KDM4B: variants seen among roughly 807,000 people sequenced by gnomAD.
The protein encoded by KDM4B is lysine demethylase 4B.
KDM4B carries 32 observed loss-of-function variants against 125.2 expected under a neutral mutation model. The ratio of observed to expected loss-of-function variants is 0.26; its 90% CI spans 0.19 to 0.34. KDM4B has a LOEUF of 0.34. KDM4B is among the 10% of genes least tolerant of loss of function. KDM4B has a pLI of 1.00. For missense variants in KDM4B, 1,190 were observed against 1,577.7 expected, an observed-to-expected ratio of 0.75 and a Z score of 4.16; for synonymous variants, 721 against 677.9, an observed-to-expected ratio of 1.06 and a Z score of -0.99.
At chr19:5,113,972 C>G (rs536322679) in intron 10 of KDM4B, 2 of 1,238,440 alleles carry the variant, frequency 1.6e-6, no homozygotes, top group East Asian at 5.7e-5. Flanking sequence ...TTACATGGGT[C>G]TCTTCCAGAA....
chr19:4,995,156 G>A (rs539316109), intron 1 of KDM4B, among the ~76,000 whole-genome samples: 13 of 152,166 alleles, frequency 8.5e-5, no homozygotes, highest in African/African-American at 2.6e-4. Flanking sequence ...CCACTGTCTC[G>A]GGAGCAGGGC....
rs1436263501 is a variant in KDM4B, at chr19:5,111,989, C to A, written c.1115+1171C>A. ...TGAACATTGGCCAGGCACGATCGCT[C>A]ACACCTGTAATCTCTGCACTTTGGA... On this transcript the variant is annotated intron_variant, in intron 10 of 22. Coordinates refer to ENST00000159111, the MANE Select transcript of KDM4B (RefSeq NM_015015.3). The A allele has an allele frequency of 1.5e-5, 9 of 610,348 alleles. No homozygotes were observed. In the Admixed American group the frequency reaches 1.5e-4, roughly 10 times the overall value. 37.8% of individuals were successfully genotyped at this position (610,348 alleles called of 1,614,324 possible). A position where few individuals can be genotyped will look rare whatever the true frequency, so the allele number is the denominator to read the frequency against.
At chr19:5,019,616 G>T (rs1646921929) in intron 2 of KDM4B, among the ~76,000 whole-genome samples, 3 of 150,592 alleles carry the variant, frequency 2.0e-5, no homozygotes. Context: ...GGGTGTTCGT[G>T]TGGGGGTGTT....
chr19:5,087,855 C>G (rs1402006223), intron 9 of KDM4B, among the ~76,000 whole-genome samples: 7 of 152,200 alleles, frequency 4.6e-5, no homozygotes, highest in Non-Finnish European at 1.5e-5. Context: ...TGGACCCTGG[C>G]TTTGGGGCTG....
chr19:5,144,110 G>A lies in KDM4B; in HGVS notation c.2694G>A (p.Val898=), dbSNP rs2039794128. ...VLMEPDDWPY[V]VSITCLKHKS... ...TGGAGCCGGACGACTGGCCCTATGT[G>A]GTCTCCATCACCTGCCTCAAGCACA... is the stretch of plus-strand genomic sequence containing the variant. The change falls in exon 19 of 23, where the codon GTG becomes GTA. Residue 898 remains valine, a synonymous_variant. Transcript: ENST00000159111. 4 of 1,602,256 alleles carry A rather than the reference G, an allele frequency of 2.5e-6. No individual in the cohort carries two copies. The highest frequency in any genetic ancestry group is 1.7e-5 in the Admixed American group (1 of 59,794).
At chr19:5,150,255 T>A in intron 21 of KDM4B, 103 bp from the exon 22 acceptor site, 4 of 859,922 alleles carry the variant, frequency 4.7e-6, no homozygotes, top group African/African-American at 1.7e-5. Context: ...GCGGGCCCCA[T>A]GCACCCAAGG....
At chr19:4,969,426 G>C (rs1338917127) in intron 1 of KDM4B, among the ~76,000 whole-genome samples, 196 bp downstream of exon 1, 2 of 147,668 alleles carry the variant, frequency 1.4e-5, no homozygotes, top group Non-Finnish European at 3.0e-5. Context: ...CGGCCCGGGG[G>C]CGCCCGCTGG....
intron 1 of KDM4B, among the ~76,000 whole-genome samples, chr19:4,999,752 TCTATC>T (rs2035311734): frequency 1.6e-5 from 2 of 126,726 alleles, no homozygotes; most frequent in East Asian, 5.5e-4. Flanking sequence ...CATCTATCCA[TCTATC>T]CATCCATCCA....
chr19:5,088,280 G>A (rs934230522), intron 9 of KDM4B, among the ~76,000 whole-genome samples: 4 of 152,306 alleles, frequency 2.6e-5, no homozygotes, highest in South Asian at 4.1e-4. Context: ...AGCCAGATGC[G>A]CTCACATCCA....
Position 5,115,154 on chromosome 19 carries a change from A to AC in KDM4B, c.1115+4338dup, listed in dbSNP as rs2039230514. 6.6e-6 allele frequency among the ~76,000 whole-genome samples: 1 copy of AC among 152,210 alleles called. No individual in the cohort carries two copies. Among genetic ancestry groups the AC allele is most frequent in the African/African-American group, 2.4e-5 (1 of 41,446 alleles). ...AGCCAGCAGGGAGCAGCTGGGCTGC[A>AC]CCATGGGGCCACAGAAAGACACAGT... On this transcript the variant is annotated intron_variant, in intron 10 of 22. Transcript: ENST00000159111. This position sits in a 1 kb window ranked among gnomAD's most constrained non-coding sequence, Gnocchi z 4.2.
chr19:5,019,340 G>A (rs2036000751), intron 2 of KDM4B, among the ~76,000 whole-genome samples: 1 of 147,928 alleles, frequency 6.8e-6, no homozygotes, highest in Non-Finnish European at 1.5e-5. Flanking sequence ...GCAGGTGTTG[G>A]TGTGGGTGTT....
Position 5,151,453 on chromosome 19 carries a change from A to G in KDM4B, c.3233A>G (p.Tyr1078Cys). Residue 1078 changes from tyrosine to cysteine, a missense_variant, in exon 23 of 23, where the codon TAC becomes TGC. Tyr to Cys is a radical substitution (Grantham distance 194). Around this residue, in one of 7 missense-constraint regions of KDM4B, gnomAD observed 109 missense variants for 93.8 expected, o/e 1.16. Coordinates refer to ENST00000159111, the MANE Select transcript of KDM4B (RefSeq NM_015015.3). The part of the protein sequence containing the change: ...ATEDSGRSQD[Y>C]VAFVESLLQV... The stretch of plus-strand genomic sequence containing the variant: ...GAGGACTCCGGGCGGAGCCAGGACT[A>G]CGTGGCCTTCGTGGAGAGCCTCCTG... 1 of 1,536,190 alleles carries G rather than the reference A, an allele frequency of 6.5e-7. No individual in the cohort carries two copies. Among genetic ancestry groups the G allele is most frequent in the Non-Finnish European group, 8.8e-7 (1 of 1,142,684 alleles).
At chr19:5,022,794 C>T (rs1204912734) in intron 2 of KDM4B, among the ~76,000 whole-genome samples, 1 of 151,618 alleles carries the variant, frequency 6.6e-6, no homozygotes, top group Non-Finnish European at 1.5e-5. Flanking sequence ...CTCAGTTTAC[C>T]CGAGGTGTGC....
intron 2 of KDM4B, among the ~76,000 whole-genome samples, chr19:5,029,920 G>A (rs140476583): frequency 5.6e-4 from 85 of 152,342 alleles, no homozygotes; most frequent in African/African-American, 2.0e-3. Flanking sequence ...AGTGGCTCCC[G>A]GTGTCACGGC....
chr19:5,118,584 G>A (rs1407776294), intron 10 of KDM4B, among the ~76,000 whole-genome samples: 2 of 152,136 alleles, frequency 1.3e-5, no homozygotes, highest in African/African-American at 2.4e-5. Flanking sequence ...GAGCCCCCTG[G>A]GAACCACCCC....
Position 5,082,655 on chromosome 19 carries a change from G to A in KDM4B, c.918+151G>A. The A allele has an allele frequency of 1.1e-6, 1 of 885,684 alleles. No individual in the cohort carries two copies. The highest frequency in any genetic ancestry group is 1.8e-5 in the South Asian group (1 of 55,014). The allele number at this position is 885,684 out of a possible 1,614,324, so 54.9% of individuals were successfully genotyped here. A position where few individuals can be genotyped will look rare whatever the true frequency, so the allele number is the denominator to read the frequency against. On this transcript the variant is annotated intron_variant, in intron 9 of 22. Coordinates refer to ENST00000159111, the MANE Select transcript of KDM4B (RefSeq NM_015015.3). The surrounding 1 kb of genome is among the most constrained non-coding windows in gnomAD (Gnocchi z 5.4). ...CCAGGGTCTGATTCTGGGCTCCTCA[G>A]AGAGCTTTTGCCCAGAACGCTCCTT...
rs1177252463 is a variant in KDM4B, at chr19:5,078,505, T to A, written c.780+1035T>A. On this transcript the variant is annotated intron_variant, in intron 8 of 22. Transcript: ENST00000159111. The surrounding 1 kb of genome is among the most constrained non-coding windows in gnomAD (Gnocchi z 4.5). ...CAGATCTCGCTCGGAGAAGTGCGCA[T>A]TTCCGGCCTTTCCTCTTCTCCCCCG... The A allele has an allele frequency of 6.6e-6, 1 of 152,032 alleles. No individual in the cohort carries two copies. Among genetic ancestry groups the A allele is most frequent in the African/African-American group, 2.4e-5 (1 of 41,382 alleles). The allele number at this position is 152,032 out of a possible 1,614,324, so 9.4% of individuals were successfully genotyped here. A position where few individuals can be genotyped will look rare whatever the true frequency, so the allele number is the denominator to read the frequency against.
chr19:5,066,489 T>G (rs2037773165), intron 6 of KDM4B, among the ~76,000 whole-genome samples: 1 of 152,152 alleles, frequency 6.6e-6, no homozygotes, highest in Non-Finnish European at 1.5e-5. Context: ...TCATTTTGTT[T>G]GTTAACCATC....
At chr19:5,061,974 C>T (rs934641116) in intron 6 of KDM4B, among the ~76,000 whole-genome samples, 1 of 152,254 alleles carries the variant, frequency 6.6e-6, no homozygotes, top group Non-Finnish European at 1.5e-5. Context: ...TCCATTTCTG[C>T]AGCGGTGGCA....
Sources: gnomAD v4.1 joint callset for allele counts (sites outside exome capture counted in the v4.1 genomes callset) on GRCh38, gnomAD v4.1.1 for gene constraint, gnomAD v4.1.1 regional missense constraint, Gnocchi (gnomAD v3.1) non-coding constraint, MANE v1.5 for transcripts, NCBI Gene and HGNC (gene_info 2026-07-23, HGNC 2026-07-21) for gene names.